ADAMTSL1: variants seen among roughly 807,000 people sequenced by gnomAD.
ADAMTSL1 encodes the protein ADAMTS like 1.
In ADAMTSL1, 126 loss-of-function variants were observed where a neutral mutation model predicts 201.8. The observed-to-expected ratio is 0.62, with a 90% confidence interval of 0.54 to 0.72. ADAMTSL1 has a LOEUF of 0.72. Among genes scored for constraint, ADAMTSL1 ranks in the 30% least tolerant of loss-of-function variants. ADAMTSL1 has a pLI of 0.00. For synonymous variants in ADAMTSL1, 1,121 were observed against 903.4 expected (o/e 1.24, Z -4.32); for missense variants, 2,679 against 2,277.8 (o/e 1.18, Z -3.59).
intron 2 of ADAMTSL1, among the ~76,000 whole-genome samples, chr9:18,290,515 G>C (rs927618224): frequency 1.3e-5 from 2 of 152,094 alleles, no homozygotes; most frequent in Non-Finnish European, 1.5e-5. Context: ...AGAGGCTTGG[G>C]ATAGGGTAGG....
In ADAMTSL1 at chr9:18,631,527, AG is replaced by A. The variant is rs1335509880; in HGVS notation, c.602-4414del. Reference sequence around the variant, plus strand: ...AAATAAAATAAAGTGTCAGCTCCATAGGCATAGAGGGAAGAGTCTTTAAAAA... The same window carrying A: ...AAATAAAATAAAGTGTCAGCTCCATAGCATAGAGGGAAGAGTCTTTAAAAA... On this transcript the variant is annotated intron_variant, in intron 5 of 28. Transcript: ENST00000380548. 7.9e-5 allele frequency among the ~76,000 whole-genome samples: 12 copies of A among 152,306 alleles called. No individual in the cohort carries two copies. In the East Asian group the frequency reaches 2.3e-3, roughly 29 times the overall value.
chr9:18,407,111 T>G (rs1203527186), intron 2 of ADAMTSL1, among the ~76,000 whole-genome samples: 2 of 152,212 alleles, frequency 1.3e-5, no homozygotes, highest in Non-Finnish European at 2.9e-5. Context: ...GAGCCCATAT[T>G]CAAGCAGTTA....
At chr9:18,667,706 T>C (rs1231050367) in intron 9 of ADAMTSL1, among the ~76,000 whole-genome samples, 2 of 152,144 alleles carry the variant, frequency 1.3e-5, no homozygotes, top group Admixed American at 6.6e-5. Context: ...GTTATGATGA[T>C]GTTGATGTTA....
At chr9:18,725,753 C>T (rs902280003) in intron 15 of ADAMTSL1, among the ~76,000 whole-genome samples, 2 of 152,138 alleles carry the variant, frequency 1.3e-5, no homozygotes, top group African/African-American at 2.4e-5. Context: ...CCTTCTTATA[C>T]CCAGAGATAA....
chr9:18,667,759 T>C (rs962922837), intron 9 of ADAMTSL1, among the ~76,000 whole-genome samples: 2 of 152,248 alleles, frequency 1.3e-5, no homozygotes, highest in African/African-American at 4.8e-5. Context: ...AGCTTTCTCA[T>C]CCATGAAAGG....
chr9:18,309,680 G>GA (rs1834042135), intron 2 of ADAMTSL1, among the ~76,000 whole-genome samples: 1 of 151,856 alleles, frequency 6.6e-6, no homozygotes, highest in Admixed American at 6.6e-5. Flanking sequence ...AACAAAATAA[G>GA]AGAGGACACA....
At chr9:18,794,193 G>A (rs1246373888) in intron 19 of ADAMTSL1, among the ~76,000 whole-genome samples, 23 of 152,064 alleles carry the variant, frequency 1.5e-4, no homozygotes, top group Non-Finnish European at 1.5e-5. Flanking sequence ...AGGATCACAT[G>A]AGCCCAGGAG....
chr9:18,869,005 G>A (rs1249060229), intron 23 of ADAMTSL1, among the ~76,000 whole-genome samples: 1 of 152,188 alleles, frequency 6.6e-6, no homozygotes, highest in Non-Finnish European at 1.5e-5. Context: ...CATTCATATG[G>A]ACCCTAATCC....
chr9:17,972,061 T>C (rs2248505), intron 1 of ADAMTSL1, among the ~76,000 whole-genome samples: 45,373 of 151,788 alleles, frequency 0.3, 7,752 homozygotes, highest in East Asian at 0.57. Flanking sequence ...ATTACCACTA[T>C]ACACTAATTA....
At position 18,066,833 on chromosome 9, in the gene ADAMTSL1, T is replaced by C. The variant is rs374669175; in HGVS notation, c.88-97029T>C. On this transcript the variant is annotated intron_variant, in intron 1 of 29. Coordinates refer to the ADAMTSL1 transcript ENST00000680146. ...TAAAAAATGATGAGTTCATGTCCTT[T>C]GGAGAGACATAGATGAAAGTGGAAA... Among the ~76,000 whole-genome samples, 242 of 152,318 alleles carry C rather than the reference T, an allele frequency of 1.6e-3. 7 individuals carry two copies. The South Asian group carries it at 0.049, about 31-fold the overall frequency.
chr9:18,864,914 G>T (rs1026023443), intron 23 of ADAMTSL1, among the ~76,000 whole-genome samples: 3 of 152,090 alleles, frequency 2.0e-5, no homozygotes, highest in Non-Finnish European at 2.9e-5. Context: ...CCTATTTCAT[G>T]TCAGTACTTA....
chr9:18,280,646 T>C (rs2132626002), intron 2 of ADAMTSL1, among the ~76,000 whole-genome samples: 1 of 152,292 alleles, frequency 6.6e-6, no homozygotes, highest in African/African-American at 2.4e-5. Context: ...TCACATGTGT[T>C]AAGGTTTTTA....
At position 18,370,132 on chromosome 9, in the gene ADAMTSL1, T is replaced by G. The variant is rs1233571440; in HGVS notation, c.208-134697T>G. 5.9e-5 allele frequency among the ~76,000 whole-genome samples: 9 copies of G among 151,906 alleles called. No homozygotes were observed. In the South Asian group the frequency reaches 1.9e-3, roughly 32 times the overall value. On this transcript the variant is annotated intron_variant, in intron 2 of 29. Transcript: ENST00000680146. ...CTGTCTCTACTAAAAATACAAAAAT[T>G]AGCTGGATGTGATGGTGCGTGCCTG...
chr9:18,143,685 C>T (rs1826501690), intron 1 of ADAMTSL1, among the ~76,000 whole-genome samples: 3 of 152,170 alleles, frequency 2.0e-5, no homozygotes, highest in Admixed American at 2.0e-4. Context: ...ACACTTCATT[C>T]TGCAAATTCT....
chr9:18,413,900 T>G (rs1259779353), intron 2 of ADAMTSL1, among the ~76,000 whole-genome samples: 2 of 152,210 alleles, frequency 1.3e-5, no homozygotes, highest in African/African-American at 2.4e-5. Context: ...CTAAATTTTC[T>G]GTTTTTCAAA....
chr9:18,452,357 C>A (rs1222906819), intron 2 of ADAMTSL1, among the ~76,000 whole-genome samples: 5 of 152,218 alleles, frequency 3.3e-5, no homozygotes, highest in African/African-American at 1.2e-4. Flanking sequence ...CTGGGGCTGA[C>A]TTTCCAAAAC....
chr9:18,124,816 A>C (rs554170342), intron 1 of ADAMTSL1, among the ~76,000 whole-genome samples: 5 of 152,148 alleles, frequency 3.3e-5, no homozygotes, highest in African/African-American at 1.2e-4. Flanking sequence ...TCTTATTTCA[A>C]ATATTAGTTT....
chr9:18,719,591 T>C (rs1285831651), intron 14 of ADAMTSL1, among the ~76,000 whole-genome samples: 2 of 152,234 alleles, frequency 1.3e-5, no homozygotes, highest in South Asian at 4.1e-4. Context: ...CTCGAACTCC[T>C]GACTTCAGGT....
intron 4 of ADAMTSL1, among the ~76,000 whole-genome samples, chr9:18,577,161 A>G (rs1166565498): frequency 6.6e-6 from 1 of 152,134 alleles, no homozygotes; most frequent in Non-Finnish European, 1.5e-5. Context: ...TCACTTACAG[A>G]TTGGAAAGCA....
Sources: allele counts gnomAD v4.1 joint callset (sites outside exome capture counted in the v4.1 genomes callset), GRCh38; gene constraint gnomAD v4.1.1; transcripts MANE v1.5; gene names NCBI Gene and HGNC (gene_info 2026-07-23, HGNC 2026-07-21).